RIMBP2: variants seen among roughly 807,000 people sequenced by gnomAD.
RIMBP2 encodes RIMS-binding protein 2.
A neutral mutation model predicts 118.6 loss-of-function variants in RIMBP2; 48 were observed. The ratio of observed to expected loss-of-function variants is 0.40; its 90% CI spans 0.32 to 0.51. The LOEUF (loss-of-function observed/expected upper bound fraction) is 0.51. Ranked by LOEUF, RIMBP2 falls within the 20% of genes least tolerant of loss-of-function variation. The pLI, the probability that RIMBP2 is intolerant of heterozygous loss-of-function variation, is 0.41. For synonymous variants in RIMBP2, 762 were observed against 742.9 expected, an observed-to-expected ratio of 1.03 and a Z score of -0.42; for missense variants, 1,551 against 1,768.3, an observed-to-expected ratio of 0.88 and a Z score of 2.20.
At chr12:130,686,549 G>C (rs1452758776) in intron 1 of RIMBP2, among the ~76,000 whole-genome samples, 1 of 152,240 alleles carries the variant, frequency 6.6e-6, no homozygotes, top group African/African-American at 2.4e-5. Flanking sequence ...TTAAATCACT[G>C]CTGAGATGAC....
At chr12:130,522,788 T>C (rs928428113) in intron 2 of RIMBP2, among the ~76,000 whole-genome samples, 8 of 151,994 alleles carry the variant, frequency 5.3e-5, no homozygotes, top group African/African-American at 1.7e-4. Context: ...GTGGACTGAA[T>C]TGCATCTCCC....
chr12:130,608,838 G>T (rs150674300), intron 2 of RIMBP2, among the ~76,000 whole-genome samples: 1 of 152,034 alleles, frequency 6.6e-6, no homozygotes, highest in Admixed American at 6.6e-5. Flanking sequence ...CCAATACATC[G>T]TCATTAACTA....
At position 130,657,709 on chromosome 12, in the gene RIMBP2, G is replaced by A. The variant is rs562716079; in HGVS notation, c.-351-29253C>T. The A allele has an allele frequency of 9.8e-4, 80 of 81,892 alleles. 4 individuals carry two copies. Among genetic ancestry groups the A allele is most frequent in the African/African-American group, 3.2e-3 (75 of 23,772 alleles). The allele number at this position is 81,892 out of a possible 1,614,324, so 5.1% of individuals were successfully genotyped here. ...GATGGAGCCCCAGCTGCGGGGGGCA[G>A]TGAGGGCGGAGGATGGAGCCCCAGC... is the stretch of plus-strand genomic sequence containing the variant. On this transcript the variant is annotated intron_variant, in intron 1 of 22. Transcript: ENST00000690449.
Position 130,589,009 on chromosome 12 carries a change from G to A in RIMBP2, c.-217+39313C>T, listed in dbSNP as rs146173771. On this transcript the variant is annotated intron_variant, in intron 2 of 22. Coordinates refer to ENST00000690449, the MANE Select transcript of RIMBP2 (RefSeq NM_001393629.1). ...CTTTGGTACATTAAACACTCGGGAC[G>A]TCAGCCTTCTGTCCTAAGCCCTTTC... Among the ~76,000 whole-genome samples the A allele has an allele frequency of 8.8e-3, 1,347 of 152,346 alleles. 6 individuals carry two copies. Among genetic ancestry groups the A allele is most frequent in the Middle Eastern group, 0.017 (5 of 294 alleles).
intron 1 of RIMBP2, among the ~76,000 whole-genome samples, chr12:130,643,900 C>G (rs559017075): frequency 1.3e-5 from 2 of 152,106 alleles, no homozygotes; most frequent in Admixed American, 1.3e-4. Context: ...CGATTTTAGA[C>G]AGTGTGGTCA....
intron 4 of RIMBP2, among the ~76,000 whole-genome samples, chr12:130,489,514 TTCTACCCCTCTC>T (rs2048425125): frequency 6.6e-6 from 1 of 152,132 alleles, no homozygotes; most frequent in Non-Finnish European, 1.5e-5. Context: ...AGCCAGGGAT[TTCTACCCCTCTC>T]TCTGCCTCTC....
At position 130,438,422 on chromosome 12, in the gene RIMBP2, G is replaced by A. The variant is rs766821677; in HGVS notation, c.1599C>T (p.Thr533=). 3.3e-5 allele frequency: 47 copies of A among 1,428,616 alleles called. No homozygotes were observed. Among genetic ancestry groups the A allele is most frequent in the East Asian group, 1.1e-4 (3 of 28,280 alleles). 88.5% of individuals were successfully genotyped at this position (1,428,616 alleles called of 1,614,324 possible). A position where few individuals can be genotyped will look rare whatever the true frequency, so the allele number is the denominator to read the frequency against. Residue 533 remains threonine (T), a synonymous_variant, in exon 12 of 23, where the codon ACC becomes ACT. Transcript: ENST00000690449. ...VSWRPPVLTP[T]GLSNGANVTG... is the part of the protein sequence containing the mutation. ...TAACGTTTGCGCCATTGGACAGCCC[G>A]GTGGGCGTCAGCACAGGTGGTCTCC...
intron 1 of RIMBP2, among the ~76,000 whole-genome samples, chr12:130,693,094 A>T (rs968889088): frequency 2.0e-5 from 3 of 152,112 alleles, no homozygotes; most frequent in African/African-American, 4.8e-5. Flanking sequence ...CGATTTGAAC[A>T]CAGAAGTTTC....
In RIMBP2 at chr12:130,469,470, A is replaced by G. The variant is rs989453954; in HGVS notation, c.153+1223T>C. Among the ~76,000 whole-genome samples the G allele has an allele frequency of 3.3e-5, 5 of 152,156 alleles. No homozygotes were observed. Among genetic ancestry groups the G allele is most frequent in the African/African-American group, 1.2e-4 (5 of 41,440 alleles). The stretch of plus-strand genomic sequence containing the variant: ...CGATGCAAATTAAAGTGCGGTGGAT[A>G]ACTCAGGCCAGGGAAAGTGAATTAT... On this transcript the variant is annotated intron_variant, in intron 6 of 22. Coordinates refer to ENST00000690449, the MANE Select transcript of RIMBP2 (RefSeq NM_001393629.1). The surrounding 1 kb of genome is among the most constrained non-coding windows in gnomAD (Gnocchi z 4.8).
intron 1 of RIMBP2, among the ~76,000 whole-genome samples, chr12:130,708,771 G>A (rs547350094): frequency 1.3e-5 from 2 of 152,320 alleles, no homozygotes; most frequent in Non-Finnish European, 2.9e-5. Flanking sequence ...TAAGAGGCTC[G>A]CGTGGGCCCT....
chr12:130,518,486 T>C (rs956745456), intron 2 of RIMBP2, among the ~76,000 whole-genome samples: 7 of 152,130 alleles, frequency 4.6e-5, no homozygotes, highest in African/African-American at 1.4e-4. Flanking sequence ...ACAAGAGACA[T>C]GAACTAAGGT....
At position 130,438,335 on chromosome 12, in the gene RIMBP2, A is replaced by ACCCCCC. The variant is rs146625626; in HGVS notation, c.1656+29_1656+30insGGGGGG. The ACCCCCC allele has an allele frequency of 1.3e-4, 114 of 865,790 alleles. 1 individual carries two copies. Among genetic ancestry groups the ACCCCCC allele is most frequent in the East Asian group, 1.9e-4 (7 of 35,908 alleles). The allele number at this position is 865,790 out of a possible 1,614,324, so 53.6% of individuals were successfully genotyped here. A position where few individuals can be genotyped will look rare whatever the true frequency, so the allele number is the denominator to read the frequency against. On this transcript the variant is annotated intron_variant, in intron 12 of 22. Coordinates refer to ENST00000690449, the MANE Select transcript of RIMBP2 (RefSeq NM_001393629.1). ...TCCCTGCTGCGTTAGGGCCTAACAAACCCTCCCCACCCACCCAACGAAAAC... is the reference window on the plus strand; with the variant it reads ...TCCCTGCTGCGTTAGGGCCTAACAAACCCCCCCCCTCCCCACCCACCCAACGAAAAC...
At chr12:130,662,820 G>A (rs1411690698) in intron 1 of RIMBP2, among the ~76,000 whole-genome samples, 1 of 152,080 alleles carries the variant, frequency 6.6e-6, no homozygotes, top group Non-Finnish European at 1.5e-5. Flanking sequence ...GCTGGGTGTG[G>A]CGGTGCACTC....
At chr12:130,572,013 A>G (rs1240759945) in intron 2 of RIMBP2, among the ~76,000 whole-genome samples, 3 of 152,194 alleles carry the variant, frequency 2.0e-5, no homozygotes, top group African/African-American at 7.2e-5. Context: ...CTGCTCCTGC[A>G]CAGCTGCATC....
chr12:130,660,836 G>T (rs200206010), intron 1 of RIMBP2, among the ~76,000 whole-genome samples: 1 of 151,950 alleles, frequency 6.6e-6, no homozygotes, highest in Non-Finnish European at 1.5e-5. Flanking sequence ...CACAGCTGGC[G>T]TGTCACGCAG....
intron 22 of RIMBP2, among the ~76,000 whole-genome samples, chr12:130,399,455 A>AGATT (rs1197218584): frequency 6.6e-6 from 1 of 152,172 alleles, no homozygotes; most frequent in Admixed American, 6.6e-5. Flanking sequence ...GAGTAAAGGC[A>AGATT]GATTGATTGA....
At chr12:130,558,167 G>A (rs2139838804) in intron 2 of RIMBP2, among the ~76,000 whole-genome samples, 1 of 152,290 alleles carries the variant, frequency 6.6e-6, no homozygotes, top group South Asian at 2.1e-4. Context: ...AAATGCAATG[G>A]CAGGCTGACT....
At chr12:130,702,411 G>A (rs972145643) in intron 1 of RIMBP2, among the ~76,000 whole-genome samples, 5 of 152,122 alleles carry the variant, frequency 3.3e-5, no homozygotes, top group Admixed American at 6.5e-5. Context: ...AGCTACTTGG[G>A]AGGCTGAAGC....
At chr12:130,492,397 A>G (rs2048722295) in intron 4 of RIMBP2, among the ~76,000 whole-genome samples, 1 of 3,934 alleles carries the variant, frequency 2.5e-4, no homozygotes, top group Non-Finnish European at 4.0e-3. Context: ...TAGTTTCTCA[A>G]ACTGGGAAAA....
Sources: allele counts gnomAD v4.1 joint callset (sites outside exome capture counted in the v4.1 genomes callset), GRCh38; gene constraint gnomAD v4.1.1; non-coding constraint Gnocchi (gnomAD v3.1); transcripts MANE v1.5; gene names NCBI Gene and HGNC (gene_info 2026-07-23, HGNC 2026-07-21).